The following USP15 variants were observed in gnomAD, a reference collection of about 807,000 sequenced individuals.
USP15 encodes the protein ubiquitin specific peptidase 15.
In USP15, 18 loss-of-function variants were observed where a neutral mutation model predicts 127.1. The observed-to-expected ratio is 0.14, with a 90% CI of 0.10 to 0.21. The LOEUF (loss-of-function observed/expected upper bound fraction) is 0.21. Among genes scored for constraint, USP15 ranks in the 10% least tolerant of loss-of-function variants. USP15 has a pLI of 1.00. For missense variants in USP15, 805 were observed against 1,159.9 expected, an observed-to-expected ratio of 0.69 and a Z score of 4.44; for synonymous variants, 364 against 393.7, an observed-to-expected ratio of 0.92 and a Z score of 0.89.
At chr12:62,403,180 T>G (rs1167443654) in intron 21 of USP15, among the ~76,000 whole-genome samples, 2 of 151,960 alleles carry the variant, frequency 1.3e-5, no homozygotes, top group Non-Finnish European at 2.9e-5. Flanking sequence ...GAGAACTGAT[T>G]TAGGTTATAC....
At chr12:62,277,669 A>G (rs1211554957) in intron 1 of USP15, 1 of 151,380 alleles carries the variant, frequency 6.6e-6, no homozygotes, top group East Asian at 2.0e-4. Context: ...CTTGGACCAC[A>G]TGTAAAATAC....
chr12:62,372,049 G>A (rs1496859), intron 8 of USP15, among the ~76,000 whole-genome samples: 50,349 of 151,752 alleles, frequency 0.33, 8,885 homozygotes, highest in African/African-American at 0.46. Context: ...TAATGTGTTC[G>A]GTATTTTAAA....
rs894335153 is a variant in USP15 at position 62,404,861 on chromosome 12, G to A, written c.*486G>A. 4 of 152,170 alleles carry A rather than the reference G, an allele frequency of 2.6e-5. No individual in the cohort carries two copies. The highest frequency in any genetic ancestry group is 9.7e-5 in the African/African-American group (4 of 41,406). The allele number at this position is 152,170 out of a possible 1,614,324, so 9.4% of individuals were successfully genotyped here. On this transcript the variant is annotated 3_prime_UTR_variant, in exon 22 of 22. Transcript: ENST00000280377. ...GTATCAATGTGGCATAAATACTGCG[G>A]CAGCATTCTTCGAAAACCGCATTTT...
At chr12:62,298,560 G>T (rs1164380332) in intron 2 of USP15, among the ~76,000 whole-genome samples, 2 of 152,070 alleles carry the variant, frequency 1.3e-5, no homozygotes, top group Non-Finnish European at 2.9e-5. Context: ...CATCTACTCA[G>T]GAGGCTGAGG....
chr12:62,328,545 A>G (rs2065198437), intron 6 of USP15: 1 of 205,310 alleles, frequency 4.9e-6, no homozygotes, highest in Non-Finnish European at 1.1e-5. Context: ...ATGGGAAAAA[A>G]AAAATCTAAG....
At position 62,415,603 on chromosome 12, in the gene USP15, G is replaced by C. The variant is rs1437989190; in HGVS notation, c.*11228G>C. On this transcript the variant is annotated 3_prime_UTR_variant, in exon 22 of 22. Transcript: ENST00000280377. The stretch of plus-strand genomic sequence containing the variant: ...GCCTTTCACCTCTCTGTAAACTAGA[G>C]CAGCTCCCGAATGTCCATCTAGGAA... 1.3e-5 allele frequency: 2 copies of C among 152,196 alleles called. No homozygotes were observed. The highest frequency in any genetic ancestry group is 6.6e-5 in the Admixed American group (1 of 15,266). 9.4% of individuals were successfully genotyped at this position (152,196 alleles called of 1,614,324 possible).
intron 7 of USP15, among the ~76,000 whole-genome samples, chr12:62,354,136 CGTGT>C (rs948207975): frequency 6.8e-5 from 10 of 146,588 alleles, no homozygotes; most frequent in African/African-American, 2.2e-4. Flanking sequence ...TGTGTGTGTG[CGTGT>C]GTGTGTGTGT....
chr12:62,370,854 C>A (rs945749217), intron 8 of USP15, among the ~76,000 whole-genome samples: 1 of 152,200 alleles, frequency 6.6e-6, no homozygotes, highest in African/African-American at 2.4e-5. Context: ...TGCCTACTTA[C>A]ACTAATCTTG....
chr12:62,260,439 C>A lies in USP15; in HGVS notation c.25C>A (p.Leu9Met), dbSNP rs1483301961. The A allele has an allele frequency of 1.9e-6, 3 of 1,551,848 alleles. No homozygotes were observed. The South Asian group carries it at 3.6e-5, about 18-fold the overall frequency. The part of the protein sequence containing the change: MAEGGAAD[L>M]DTQRSDIATL... ...GATGGCGGAAGGCGGAGCGGCGGAT[C>A]TGGACACCCAGCGGTCTGACATCGC... The change falls in exon 1 of 22, where the codon CTG (leucine) becomes ATG (methionine). Residue 9 changes from leucine (L) to methionine (M), a missense_variant. Coordinates refer to ENST00000280377, the MANE Select transcript of USP15 (RefSeq NM_001252078.2).
intron 1 of USP15, among the ~76,000 whole-genome samples, chr12:62,291,822 T>C (rs892264980): frequency 2.6e-5 from 4 of 152,222 alleles, no homozygotes; most frequent in Non-Finnish European, 5.9e-5. Flanking sequence ...GATAGTGGTA[T>C]ACTTGGCTTG....
At chr12:62,359,120 TG>T (rs1275462940) in intron 8 of USP15, among the ~76,000 whole-genome samples, 3 of 152,036 alleles carry the variant, frequency 2.0e-5, no homozygotes, top group Non-Finnish European at 4.4e-5. Context: ...AAAATTGCTT[TG>T]GTTGGGTGAA....
Position 62,321,523 on chromosome 12 carries a change from T to C in USP15, c.535T>C (p.Leu179=), listed in dbSNP as rs367932501. The change falls in exon 5 of 22, where the codon TTG becomes CTG. Residue 179 remains leucine, a synonymous_variant. Coordinates refer to ENST00000280377, the MANE Select transcript of USP15 (RefSeq NM_001252078.2). ...FSIPDEKETR[L]WNKYMSNTFE... is the part of the protein sequence containing the mutation. ...TATTCCAGATGAAAAGGAGACCAGA[T>C]TGTGGAACAAATACATGAGTAACAC... The C allele has an allele frequency of 1.4e-5, 22 of 1,609,524 alleles. No individual in the cohort carries two copies. The highest frequency in any genetic ancestry group is 1.9e-5 in the Non-Finnish European group (22 of 1,177,582).
intron 14 of USP15, among the ~76,000 whole-genome samples, chr12:62,390,405 T>C (rs926617206): frequency 2.0e-5 from 3 of 152,140 alleles, no homozygotes; most frequent in Non-Finnish European, 4.4e-5. Context: ...AGGCAGCCTA[T>C]TTTTTGCCTT....
chr12:62,333,513 G>A (rs1021880444), intron 6 of USP15, among the ~76,000 whole-genome samples: 2 of 152,094 alleles, frequency 1.3e-5, no homozygotes, highest in Non-Finnish European at 2.9e-5. Context: ...GCCCAGGCTG[G>A]TCTCCTGGGC....
intron 6 of USP15, among the ~76,000 whole-genome samples, chr12:62,341,560 G>C (rs913670543): frequency 2.0e-5 from 3 of 152,126 alleles, no homozygotes; most frequent in African/African-American, 7.2e-5. Flanking sequence ...AGGAATTCTT[G>C]TAAGGGCTAC....
rs374810093 is a variant in USP15 at position 62,393,199 on chromosome 12, T to C, written c.2567T>C (p.Ile856Thr). The C allele has an allele frequency of 6.2e-7, 1 of 1,612,086 alleles. No homozygotes were observed. Among genetic ancestry groups the C allele is most frequent in the Non-Finnish European group, 8.5e-7 (1 of 1,179,168 alleles). ...TTGGATACCTTAGTTGATTTTCCTA[T>C]CAAGTAAGCTTTAATTGTACTTTAT... is the stretch of plus-strand genomic sequence containing the variant. Reference protein sequence around the residue: ...DKLDTLVDFPINDLDMSEFLI... With the variant: ...DKLDTLVDFPTNDLDMSEFLI... Residue 856 changes from isoleucine to threonine, a missense_variant, in exon 19 of 22, where the codon ATC becomes ACC. Ile to Thr is a moderately conservative substitution (Grantham distance 89). This residue lies in a region of USP15 where 116 missense variants were observed against 157.2 expected (regional missense o/e 0.74). Coordinates refer to ENST00000280377, the MANE Select transcript of USP15 (RefSeq NM_001252078.2).
intron 1 of USP15, among the ~76,000 whole-genome samples, chr12:62,287,924 C>G (rs1387963760): frequency 5.9e-5 from 9 of 152,058 alleles, no homozygotes; most frequent in Admixed American, 5.2e-4. Flanking sequence ...TTTCTGGGCT[C>G]TCTATTCTGT....
intron 9 of USP15, among the ~76,000 whole-genome samples, chr12:62,383,571 T>G (rs1222986188): frequency 1.3e-5 from 2 of 151,910 alleles, no homozygotes; most frequent in Non-Finnish European, 2.9e-5. Flanking sequence ...CAAAGGACAC[T>G]TGTTTATAGA....
At chr12:62,368,946 T>C (rs968676813) in intron 8 of USP15, among the ~76,000 whole-genome samples, 28 of 152,324 alleles carry the variant, frequency 1.8e-4, no homozygotes, top group South Asian at 4.1e-4. Flanking sequence ...CTGGTACTGG[T>C]TGTTCTTTCC....
Sources: gnomAD v4.1 joint callset for allele counts (sites outside exome capture counted in the v4.1 genomes callset) on GRCh38, gnomAD v4.1.1 for gene constraint, gnomAD v4.1.1 regional missense constraint, MANE v1.5 for transcripts, NCBI Gene and HGNC (gene_info 2026-07-23, HGNC 2026-07-21) for gene names.